RDH13: variants seen among roughly 807,000 people sequenced by gnomAD.
RDH13 encodes retinol dehydrogenase 13.
RDH13 carries 35 observed loss-of-function variants against 28.3 expected under a neutral mutation model. That is an observed-to-expected ratio of 1.24 (90% CI 0.95 to 1.64). The LOEUF is 1.64. Ranked by LOEUF, RDH13 falls within the 40% of genes most tolerant of loss-of-function variation. The probability of loss-of-function intolerance (pLI) is 0.00; values close to 1 mark genes in which losing one functional copy is unlikely to be tolerated. For synonymous variants in RDH13, 229 were observed against 198.5 expected (o/e 1.15, Z -1.29); for missense variants, 514 against 446.3 (o/e 1.15, Z -1.37).
rs764545652 is a variant in RDH13, at chr19:55,048,746, T to C, written c.358A>G (p.Ile120Val). The stretch of plus-strand genomic sequence containing the variant: ...ATCACACCCGCGTTGTTGATTAGAA[T>C]GTCCACTCGCTCCTCCTCTGGAAGA... ...KIIEEEERVD[I>V]LINNAGVMRC... is the part of the protein sequence containing the mutation. The change falls in exon 4 of 7, where the codon ATT (isoleucine) becomes GTT (valine). Residue 120 changes from isoleucine to valine, a missense_variant. Ile to Val is a conservative substitution (Grantham distance 29). Transcript: ENST00000415061. The C allele has an allele frequency of 1.4e-5, 23 of 1,613,758 alleles. No individual in the cohort carries two copies. The highest frequency in any genetic ancestry group is 6.7e-5 in the Admixed American group (4 of 59,950).
At chr19:55,048,814 C>A (rs1568693539) in intron 3 of RDH13, 51 bp from the exon 4 acceptor site, 1 of 1,456,228 alleles carries the variant, frequency 6.9e-7, no homozygotes, top group East Asian at 2.3e-5. Flanking sequence ...CAGACCCCAG[C>A]CTGATGCACC....
intron 6 of RDH13, chr19:55,046,516 G>T (rs1459700689): frequency 6.6e-6 from 1 of 151,242 alleles, no homozygotes; most frequent in African/African-American, 2.4e-5. Flanking sequence ...GCCCACCACA[G>T]CCTCCCAAAG....
At chr19:55,055,296 G>A (rs1256506818) in intron 3 of RDH13, among the ~76,000 whole-genome samples, 2 of 151,932 alleles carry the variant, frequency 1.3e-5, no homozygotes, top group Admixed American at 6.6e-5. Flanking sequence ...GAGATTACAG[G>A]TGTGCACCAC....
intron 1 of RDH13, 77 bp downstream of exon 1, chr19:55,062,891 G>T: frequency 1.6e-6 from 2 of 1,237,410 alleles, no homozygotes; most frequent in Non-Finnish European, 1.1e-6. Context: ...TGCGAGGGGC[G>T]GGGGTCTCCG....
chr19:55,048,250 C>T (rs750007359), intron 5 of RDH13, 79 bp downstream of exon 5: 1 of 1,590,446 alleles, frequency 6.3e-7, no homozygotes, highest in Non-Finnish European at 8.5e-7. Context: ...GTTTGGCCTC[C>T]CATCAGCCTA....
chr19:55,059,108 C>A, intron 2 of RDH13, 49 bp downstream of exon 2: 1 of 1,213,532 alleles, frequency 8.2e-7, no homozygotes, highest in Non-Finnish European at 1.2e-6. Flanking sequence ...CTGCAGTGAG[C>A]ATGGATGTAC....
chr19:55,057,816 T>A (rs113040837), intron 2 of RDH13, among the ~76,000 whole-genome samples: 1,620 of 140,264 alleles, frequency 0.012, 32 homozygotes, highest in African/African-American at 0.039. Context: ...TATTATTATT[T>A]TTTTTTTTTT....
Position 55,045,297 on chromosome 19 carries a change from CA to C in RDH13, c.772del (p.Trp258GlyfsTer62). ...FSSTTLGPIF[W>X]LLVKSPELAA... ...CAGCTCGGGGCTCTTGACCAGCAGC[CA>C]GAAGATGGGCCCTGCAATCAGCCCA... On this transcript the variant is annotated frameshift_variant, in exon 7 of 7. Coordinates refer to ENST00000415061, the MANE Select transcript of RDH13 (RefSeq NM_001145971.2). LOFTEE classifies it high-confidence loss of function. 1 of 1,612,140 alleles carries C rather than the reference CA, an allele frequency of 6.2e-7. No individual in the cohort carries two copies.
intron 1 of RDH13, among the ~76,000 whole-genome samples, chr19:55,060,703 G>C (rs1314228100): frequency 6.6e-6 from 1 of 152,150 alleles, no homozygotes; most frequent in Non-Finnish European, 1.5e-5. Context: ...GCGTGGTGGT[G>C]CACACCTGTA....
downstream of RDH13, chr19:55,041,543 AT>A (rs1206852280): frequency 1.1e-4 from 2 of 18,166 alleles, no homozygotes; most frequent in Non-Finnish European, 3.0e-4. Flanking sequence ...AGAAAATGGT[AT>A]TATTCTTAGG....
rs117723386 is a variant in RDH13, at chr19:55,044,539, C to G, written c.*535G>C. 8.0e-3 allele frequency: 1,217 copies of G among 152,864 alleles called. 4 individuals carry two copies. The highest frequency in any genetic ancestry group is 0.011 in the Non-Finnish European group (728 of 68,492). The allele number at this position is 152,864 out of a possible 1,614,324, so 9.5% of individuals were successfully genotyped here. A position where few individuals can be genotyped will look rare whatever the true frequency, so the allele number is the denominator to read the frequency against. ...GCACAGGAAGCCCTCAGCAAACACCCCCGGCACAGCCATGCCATAGCCAGA... is the reference window on the plus strand; with the variant it reads ...GCACAGGAAGCCCTCAGCAAACACCGCCGGCACAGCCATGCCATAGCCAGA... On this transcript the variant is annotated 3_prime_UTR_variant, in exon 7 of 7. Coordinates refer to ENST00000415061, the MANE Select transcript of RDH13 (RefSeq NM_001145971.2).
chr19:55,059,199 T>C lies in RDH13; in HGVS notation c.142A>G (p.Thr48Ala), dbSNP rs780441519. The change falls in exon 2 of 7, where the codon ACA becomes GCA. Residue 48 changes from threonine to alanine, a missense_variant. Transcript: ENST00000415061. The part of the protein sequence containing the change: ...GKTVIVTGAN[T>A]GIGKQTALEL... The stretch of plus-strand genomic sequence containing the variant: ...AAGGCGGTCTGCTTCCCGATGCCTG[T>C]GTTGGCACCCGTCACGATGACCGTC... The C allele has an allele frequency of 3.1e-5, 49 of 1,604,200 alleles. No homozygotes were observed. The Middle Eastern group carries it at 4.9e-4, about 16-fold the overall frequency.
intron 3 of RDH13, among the ~76,000 whole-genome samples, chr19:55,056,242 T>C (rs1006212396): frequency 6.6e-6 from 1 of 152,012 alleles, no homozygotes; most frequent in Non-Finnish European, 1.5e-5. Flanking sequence ...GGCAGGAGAA[T>C]CACCTGAGGT....
At chr19:55,064,715 C>A (rs560003858), upstream of RDH13, among the ~76,000 whole-genome samples, 1 of 150,440 alleles carries the variant, frequency 6.6e-6, no homozygotes, top group Non-Finnish European at 1.5e-5. Context: ...TAGGTTCAAG[C>A]GATTCTCCTG....
At chr19:55,066,599 CTTT>C (rs2075966169), upstream of RDH13, among the ~76,000 whole-genome samples, 1 of 150,308 alleles carries the variant, frequency 6.7e-6, no homozygotes, top group East Asian at 2.0e-4. Context: ...CTCTCTTCCT[CTTT>C]TTTCTTCCTC....
intron 3 of RDH13, among the ~76,000 whole-genome samples, chr19:55,053,446 G>C (rs1166935746): frequency 1.3e-5 from 2 of 151,778 alleles, no homozygotes; most frequent in Non-Finnish European, 1.5e-5. Context: ...ATGAGGTCAG[G>C]AGATCGAGAC....
chr19:55,039,315 TG>T (rs1269940635), downstream of RDH13: 1 of 152,174 alleles, frequency 6.6e-6, no homozygotes, highest in Non-Finnish European at 1.5e-5. Context: ...GCGGATCACC[TG>T]AGGTCAGGAG....
upstream of RDH13, chr19:55,063,938 G>A (rs961402797): frequency 7.2e-5 from 11 of 152,182 alleles, no homozygotes; most frequent in African/African-American, 2.4e-4. Context: ...TGCTCACAGC[G>A]AGTGTATCTG....
chr19:55,048,267 T>C (rs1265444077), intron 5 of RDH13, 62 bp downstream of exon 5: 6 of 1,603,812 alleles, frequency 3.7e-6, no homozygotes, highest in Non-Finnish European at 3.4e-6. Flanking sequence ...CCTAGGATCA[T>C]GGAAAGGCCG....
Sources: gnomAD v4.1 joint callset for allele counts (sites outside exome capture counted in the v4.1 genomes callset) on GRCh38, gnomAD v4.1.1 for gene constraint, MANE v1.5 for transcripts, NCBI Gene and HGNC (gene_info 2026-07-23, HGNC 2026-07-21) for gene names.